ABCG1: variants seen among roughly 807,000 people sequenced by gnomAD.
ABCG1 encodes the protein ATP binding cassette subfamily G member 1, also known as ATP-binding cassette sub-family G member 1.
ABCG1 carries 29 observed loss-of-function variants against 69.2 expected under a neutral mutation model. The ratio of observed to expected loss-of-function variants is 0.42; its 90% CI spans 0.31 to 0.57. ABCG1 has a LOEUF of 0.57. ABCG1 is among the 20% of genes least tolerant of loss of function. ABCG1 has a pLI of 0.15. For missense variants in ABCG1, 718 were observed against 898.1 expected, an observed-to-expected ratio of 0.80 and a Z score of 2.56; for synonymous variants, 370 against 374.8, an observed-to-expected ratio of 0.99 and a Z score of 0.15.
intron 14 of ABCG1, chr21:42,294,881 A>T: frequency 1.9e-6 from 1 of 527,306 alleles, no homozygotes; most frequent in Non-Finnish European, 3.5e-6. Context: ...CCAGCGCTTC[A>T]CACCCGGAGA....
chr21:42,280,792 G>A (rs1167976555), intron 5 of ABCG1, among the ~76,000 whole-genome samples: 1 of 152,242 alleles, frequency 6.6e-6, no homozygotes, highest in Non-Finnish European at 1.5e-5. Flanking sequence ...GAGCCACTCA[G>A]TCGGCCAAGA....
At chr21:42,285,318 T>C (rs1414682499) in intron 7 of ABCG1, among the ~76,000 whole-genome samples, 1 of 151,570 alleles carries the variant, frequency 6.6e-6, no homozygotes, top group Non-Finnish European at 1.5e-5. Flanking sequence ...AGCAACATGG[T>C]AAAACCCTGT....
At chr21:42,275,874 A>G (rs2068700850) in intron 4 of ABCG1, among the ~76,000 whole-genome samples, 1 of 152,168 alleles carries the variant, frequency 6.6e-6, no homozygotes, top group Admixed American at 6.5e-5. Flanking sequence ...ACAGTTGTGC[A>G]TGTTTATGCT....
rs1334576084 is a variant in ABCG1, at chr21:42,276,871, C to A, written c.538-24C>A. 1.9e-6 allele frequency: 3 copies of A among 1,613,848 alleles called. No individual in the cohort carries two copies. The highest frequency in any genetic ancestry group is 1.7e-5 in the Admixed American group (1 of 60,020). On this transcript the variant is annotated intron_variant, in intron 4 of 14. Coordinates refer to ENST00000398449, the MANE Select transcript of ABCG1 (RefSeq NM_016818.3). The surrounding 1 kb of genome is among the most constrained non-coding windows in gnomAD (Gnocchi z 5.3). ...CCAGTGGCCGTCTGTTCTGCTTCCA[C>A]ACTGTTGTCCTTGTCCCCTGCAGGT...
At position 42,291,431 on chromosome 21, in the gene ABCG1, A is replaced by G. The variant is rs1273406339; in HGVS notation, c.1495-67A>G. ...TGCGGGGAAGGGCTGGCTGCCCAGG[A>G]GCTTTGCTGTTGGCCTGCTGTGGTG... On this transcript the variant is annotated intron_variant, in intron 12 of 14. Coordinates refer to ENST00000398449, the MANE Select transcript of ABCG1 (RefSeq NM_016818.3). The surrounding 1 kb of genome is among the most constrained non-coding windows in gnomAD (Gnocchi z 6.4). 9.0e-6 allele frequency: 14 copies of G among 1,560,390 alleles called. No homozygotes were observed. Among genetic ancestry groups the G allele is most frequent in the African/African-American group, 1.4e-5 (1 of 73,954 alleles).
At chr21:42,241,784 C>G (rs986089593) in intron 2 of ABCG1, among the ~76,000 whole-genome samples, 1 of 148,402 alleles carries the variant, frequency 6.7e-6, no homozygotes, top group Non-Finnish European at 1.5e-5. Context: ...AGCAGGAGGT[C>G]GAGACCAGCC....
intron 1 of ABCG1, chr21:42,221,394 C>G (rs1482052797): frequency 1.3e-5 from 2 of 152,220 alleles, no homozygotes; most frequent in Non-Finnish European, 2.9e-5. Context: ...ACCTCCCTGC[C>G]CTGGGGTCCA....
At chr21:42,216,338 G>A (rs992151725), upstream of ABCG1, 4 of 331,456 alleles carry the variant, frequency 1.2e-5, no homozygotes, top group Non-Finnish European at 2.4e-5. Context: ...ATTTCTGTTG[G>A]GGTTGGGACT....
At chr21:42,207,977 T>C (rs763042865) in intron 2 of ABCG1, among the ~76,000 whole-genome samples, 131 of 152,340 alleles carry the variant, frequency 8.6e-4, no homozygotes, top group Admixed American at 1.6e-3. Context: ...GACTTCCTAA[T>C]TGGCCTTCTC....
At chr21:42,270,285 C>G (rs1050628656) in intron 2 of ABCG1, among the ~76,000 whole-genome samples, 9 of 126,740 alleles carry the variant, frequency 7.1e-5, no homozygotes, top group African/African-American at 9.9e-5. Context: ...AAAAAAAGTG[C>G]CCCTGGATTG....
At chr21:42,241,977 C>CA (rs35823612) in intron 2 of ABCG1, among the ~76,000 whole-genome samples, 3,976 of 94,126 alleles carry the variant, frequency 0.042, 240 homozygotes, top group African/African-American at 0.12. Context: ...GACCCTGTCT[C>CA]AAAAAAAAAA....
intron 5 of ABCG1, among the ~76,000 whole-genome samples, chr21:42,278,170 C>T (rs1466624658): frequency 6.6e-6 from 1 of 152,192 alleles, no homozygotes; most frequent in Non-Finnish European, 1.5e-5. Context: ...ATGTGGAAAT[C>T]ACATGTGTTC....
chr21:42,294,471 G>C, intron 13 of ABCG1, 71 bp from the exon 14 acceptor site: 2 of 1,251,120 alleles, frequency 1.6e-6, no homozygotes, highest in Non-Finnish European at 2.3e-6. Flanking sequence ...AAGCTGGCGT[G>C]GGCGAGCCTC....
chr21:42,245,283 G>T (rs187276730), intron 2 of ABCG1, among the ~76,000 whole-genome samples: 2 of 152,204 alleles, frequency 1.3e-5, no homozygotes, highest in Middle Eastern at 3.2e-3. Flanking sequence ...CTCTCCACTG[G>T]CTCGCATATA....
intron 2 of ABCG1, among the ~76,000 whole-genome samples, chr21:42,205,032 G>C (rs1300641714): frequency 7.2e-6 from 1 of 138,648 alleles, no homozygotes. Context: ...TTTTTTTTTT[G>C]AGTTTTCAAA....
In ABCG1 at chr21:42,259,462, G is replaced by C. The variant is rs761416181; in HGVS notation, c.287-11608G>C. On this transcript the variant is annotated intron_variant, in intron 2 of 14. Coordinates refer to ENST00000398449, the MANE Select transcript of ABCG1 (RefSeq NM_016818.3). ...AGGGTGCCGATGTCTGGCCTACAGGGCTCAAGCATTGTCATCATGCCCCCA... is the reference window on the plus strand; with the variant it reads ...AGGGTGCCGATGTCTGGCCTACAGGCCTCAAGCATTGTCATCATGCCCCCA... 3.2e-6 allele frequency: 5 copies of C among 1,548,990 alleles called. 1 individual carries two copies. In the South Asian group the frequency reaches 6.0e-5, roughly 18 times the overall value.
intron 1 of ABCG1, among the ~76,000 whole-genome samples, chr21:42,200,945 C>T (rs867965599): frequency 6.6e-6 from 1 of 152,066 alleles, no homozygotes; most frequent in Admixed American, 6.5e-5. Context: ...ATTTTTCTTA[C>T]GTCCCGAGGT....
chr21:42,217,364 G>A (rs889979583), upstream of ABCG1, among the ~76,000 whole-genome samples: 5 of 152,076 alleles, frequency 3.3e-5, no homozygotes, highest in Non-Finnish European at 5.9e-5. Context: ...GTTCCTCCCC[G>A]GCTGTGTTCC....
At chr21:42,230,187 C>T (rs2067880620) in intron 2 of ABCG1, among the ~76,000 whole-genome samples, 1 of 152,174 alleles carries the variant, frequency 6.6e-6, no homozygotes, top group African/African-American at 2.4e-5. Flanking sequence ...AACAAAACAT[C>T]TTGTATTTTC....
Sources: allele counts gnomAD v4.1 joint callset (sites outside exome capture counted in the v4.1 genomes callset), GRCh38; gene constraint gnomAD v4.1.1; non-coding constraint Gnocchi (gnomAD v3.1); transcripts MANE v1.5; gene names NCBI Gene and HGNC (gene_info 2026-07-23, HGNC 2026-07-21).